The following FNIP2 variants were observed in gnomAD, a reference collection of about 807,000 sequenced individuals.
FNIP2 encodes the protein folliculin interacting protein 2.
Under a neutral mutation model 108.7 loss-of-function variants are expected in FNIP2, and 32 were observed. The observed-to-expected ratio is 0.29, with a 90% confidence interval of 0.22 to 0.40. FNIP2 has a LOEUF of 0.40. Ranked by LOEUF, FNIP2 falls within the 10% of genes least tolerant of loss-of-function variation. FNIP2 has a pLI of 1.00. For missense variants in FNIP2, 1,202 were observed against 1,381.6 expected (o/e 0.87, Z 2.06); for synonymous variants, 480 against 496.7 (o/e 0.97, Z 0.45).
chr4:158,824,292 A>G (rs1329765038), intron 1 of FNIP2, among the ~76,000 whole-genome samples: 1 of 152,240 alleles, frequency 6.6e-6, no homozygotes, highest in African/African-American at 2.4e-5. Flanking sequence ...ATGAAGAACT[A>G]GGAGGCCAGA....
chr4:158,814,138 A>C (rs1472400758), intron 1 of FNIP2, among the ~76,000 whole-genome samples: 1 of 152,070 alleles, frequency 6.6e-6, no homozygotes, highest in African/African-American at 2.4e-5. Context: ...CACTCTGCCC[A>C]AGCTGGAGTG....
chr4:158,895,347 A>C (rs1782578452), intron 15 of FNIP2, among the ~76,000 whole-genome samples: 1 of 152,204 alleles, frequency 6.6e-6, no homozygotes, highest in African/African-American at 2.4e-5. Context: ...ACAAAAATGC[A>C]ATTTGCTATG....
In FNIP2 at chr4:158,834,011, A is replaced by G. The variant is rs191050040; in HGVS notation, c.655+383A>G. The G allele has an allele frequency of 1.1e-5, 6 of 570,344 alleles. No homozygotes were observed. In the Admixed American group the frequency reaches 1.8e-4, roughly 17 times the overall value. The allele number at this position is 570,344 out of a possible 1,614,324, so 35.3% of individuals were successfully genotyped here. A position where few individuals can be genotyped will look rare whatever the true frequency, so the allele number is the denominator to read the frequency against. On this transcript the variant is annotated intron_variant, in intron 6 of 16. Coordinates refer to ENST00000264433, the MANE Select transcript of FNIP2 (RefSeq NM_020840.3). ...CCAAGGGGCTCTTGTGATCACAGAT[A>G]TTGGTTTCAAATGCGGCCAAATCCA...
Position 158,869,381 on chromosome 4 carries a change from T to G in FNIP2, c.2745T>G (p.Gly915=), listed in dbSNP as rs761350078. 1 of 1,610,630 alleles carries G rather than the reference T, an allele frequency of 6.2e-7. No homozygotes were observed. The highest frequency in any genetic ancestry group is 8.5e-7 in the Non-Finnish European group (1 of 1,178,786). ...CASAMLDLGH[G]GDRTGGSLEV... ...CAGCCATGCTAGATCTGGGTCACGGTGGTGACAGGACTGGAGGGTCCTTGG... is the reference window on the plus strand; with the variant it reads ...CAGCCATGCTAGATCTGGGTCACGGGGGTGACAGGACTGGAGGGTCCTTGG... Residue 915 remains glycine (G), a synonymous_variant, in exon 13 of 17, where the codon GGT becomes GGG. Transcript: ENST00000264433.
At chr4:158,883,327 C>T (rs1041562234) in intron 14 of FNIP2, among the ~76,000 whole-genome samples, 2 of 152,044 alleles carry the variant, frequency 1.3e-5, no homozygotes, top group Admixed American at 6.5e-5. Context: ...CTGCAAGCTC[C>T]GCCTCCTGGG....
rs1455753425 is a variant in FNIP2 at position 158,906,861 on chromosome 4, C to T, written c.*2317C>T. On this transcript the variant is annotated 3_prime_UTR_variant, in exon 17 of 17. Transcript: ENST00000264433. ...AGATCCACCGCTCACACGCCGTACA[C>T]CACCCAGTGGCTTCATTCTGGCTTA... The T allele has an allele frequency of 2.0e-5, 3 of 152,180 alleles. No homozygotes were observed. The East Asian group carries it at 5.8e-4, about 29-fold the overall frequency. 9.4% of individuals were successfully genotyped at this position (152,180 alleles called of 1,614,324 possible).
intron 14 of FNIP2, among the ~76,000 whole-genome samples, chr4:158,890,965 T>G (rs1782244162): frequency 6.6e-6 from 1 of 152,128 alleles, no homozygotes; most frequent in Non-Finnish European, 1.5e-5. Flanking sequence ...TCACCGGGCC[T>G]TGTCTAAGAA....
intron 16 of FNIP2, among the ~76,000 whole-genome samples, chr4:158,896,259 A>G (rs746679092): frequency 2.3e-4 from 34 of 149,836 alleles, no homozygotes; most frequent in Non-Finnish European, 1.5e-5. Flanking sequence ...AGGTTGGCAC[A>G]TTCCACCTGG....
intron 1 of FNIP2, among the ~76,000 whole-genome samples, chr4:158,804,880 G>C (rs1253232057): frequency 6.6e-6 from 1 of 152,100 alleles, no homozygotes; most frequent in Non-Finnish European, 1.5e-5. Context: ...GTTTTATCTT[G>C]ATACTATCAA....
At chr4:158,810,499 G>C (rs1325929032) in intron 1 of FNIP2, among the ~76,000 whole-genome samples, 1 of 152,204 alleles carries the variant, frequency 6.6e-6, no homozygotes, top group African/African-American at 2.4e-5. Flanking sequence ...GCTGAGGGTA[G>C]AGATTTTGAG....
At chr4:158,902,374 G>A (rs535984465) in intron 16 of FNIP2, among the ~76,000 whole-genome samples, 2 of 152,152 alleles carry the variant, frequency 1.3e-5, no homozygotes, top group African/African-American at 4.8e-5. Context: ...TCCCAGAGGG[G>A]CACCCACCAG....
intron 1 of FNIP2, among the ~76,000 whole-genome samples, chr4:158,821,478 C>G (rs1777878275): frequency 1.3e-5 from 2 of 152,210 alleles, no homozygotes; most frequent in Non-Finnish European, 2.9e-5. Context: ...GGTCAGTGCT[C>G]TTGGAAGCTC....
chr4:158,845,172 A>G (rs1269823013), intron 7 of FNIP2, among the ~76,000 whole-genome samples: 1 of 152,236 alleles, frequency 6.6e-6, no homozygotes, highest in African/African-American at 2.4e-5. Flanking sequence ...TAAAAATATT[A>G]AGGAACATTT....
chr4:158,791,266 CTT>C (rs199714823), intron 1 of FNIP2, among the ~76,000 whole-genome samples: 581 of 97,720 alleles, frequency 5.9e-3, no homozygotes, highest in African/African-American at 0.01. Flanking sequence ...ACTGAGGATC[CTT>C]TTTTTTTTTT....
chr4:158,891,738 G>A, intron 15 of FNIP2, 92 bp downstream of exon 15: 1 of 1,215,872 alleles, frequency 8.2e-7, no homozygotes, highest in Non-Finnish European at 1.1e-6. Context: ...CAAAAGTACT[G>A]TTTTAATATA....
chr4:158,884,042 A>G (rs1219806176), intron 14 of FNIP2, among the ~76,000 whole-genome samples: 3 of 150,466 alleles, frequency 2.0e-5, no homozygotes, highest in Non-Finnish European at 4.4e-5. Context: ...ATGATGAATT[A>G]ATAAGTAGTT....
chr4:158,889,805 C>CTT (rs35673623), intron 14 of FNIP2: 75 of 889,414 alleles, frequency 8.4e-5, no homozygotes, highest in Middle Eastern at 5.8e-4. Flanking sequence ...TTCAAATTTC[C>CTT]TTTTTTTTTT....
At chr4:158,891,705 T>G (rs1782287640) in intron 15 of FNIP2, 59 bp downstream of exon 15, 14 of 1,438,688 alleles carry the variant, frequency 9.7e-6, no homozygotes, top group Non-Finnish European at 1.2e-5. Flanking sequence ...TTTAACGACA[T>G]TTTGATTATA....
chr4:158,892,310 A>AT (rs1367549597), intron 15 of FNIP2, among the ~76,000 whole-genome samples: 3 of 151,742 alleles, frequency 2.0e-5, no homozygotes, highest in Non-Finnish European at 4.4e-5. Flanking sequence ...TAATTTTTGT[A>AT]TTTTTTGTAG....
Sources: gnomAD v4.1 joint callset for allele counts (sites outside exome capture counted in the v4.1 genomes callset) on GRCh38, gnomAD v4.1.1 for gene constraint, MANE v1.5 for transcripts, NCBI Gene and HGNC (gene_info 2026-07-23, HGNC 2026-07-21) for gene names.